IQSEC2: variants seen among roughly 807,000 people sequenced by gnomAD.
IQSEC2 encodes the protein IQ motif and SEC7 domain-containing protein 2.
A neutral mutation model predicts 74.6 loss-of-function variants in IQSEC2; 6 were observed. That is an observed-to-expected ratio of 0.08 (90% confidence interval 0.04 to 0.16). The LOEUF is 0.16. Among genes scored for constraint, IQSEC2 ranks in the 10% least tolerant of loss-of-function variants. IQSEC2 has a pLI of 1.00. For synonymous variants in IQSEC2, 494 were observed against 544.5 expected (o/e 0.91, Z 1.29); for missense variants, 734 against 1,306.2 (o/e 0.56, Z 6.75).
intron 13 of IQSEC2, 47 bp from the exon 14 acceptor site, chrX:53,235,879 C>G (rs782656702): frequency 2.8e-5 from 32 of 1,124,883 alleles, no homozygotes; most frequent in Middle Eastern, 2.9e-4. Context: ...CAACCCCCCC[C>G]CTACCCTGCT....
chrX:53,301,025 G>A (rs1158381724), intron 1 of IQSEC2, among the ~76,000 whole-genome samples: 2 of 112,417 alleles, frequency 1.8e-5, no homozygotes, highest in Admixed American at 1.9e-4. Flanking sequence ...TCTGGGTGCT[G>A]TAATTATGTG....
At chrX:53,256,313 A>G (rs1001581223) in intron 2 of IQSEC2, among the ~76,000 whole-genome samples, 5 of 108,506 alleles carry the variant, frequency 4.6e-5, no homozygotes, top group Non-Finnish European at 9.6e-5. Flanking sequence ...CTTTCCCTCA[A>G]GGCTCTGCCT....
chrX:53,287,336 C>T (rs190317039), intron 2 of IQSEC2, among the ~76,000 whole-genome samples: 4 of 112,248 alleles, frequency 3.6e-5, no homozygotes, highest in African/African-American at 1.3e-4. Context: ...ATGCAATTGT[C>T]CAGCGTTTGT....
At chrX:53,301,048 C>T (rs1046658779) in intron 1 of IQSEC2, among the ~76,000 whole-genome samples, 14 of 112,368 alleles carry the variant, frequency 1.2e-4, no homozygotes, top group Non-Finnish European at 2.3e-4. Context: ...ATGTTTTTCT[C>T]CTCTACTTTT....
At position 53,235,883 on chromosome X, in the gene IQSEC2, C is replaced by T. The variant is rs1284037993; in HGVS notation, c.3452-51G>A. Reference sequence around the variant, plus strand: ...CGTCAGAGCAGCAACCCCCCCCCTACCCTGCTGGGCTCCAGAGCTGGGCAC... The same window carrying T: ...CGTCAGAGCAGCAACCCCCCCCCTATCCTGCTGGGCTCCAGAGCTGGGCAC... On this transcript the variant is annotated intron_variant, in intron 13 of 14. Transcript: ENST00000642864. The T allele has an allele frequency of 1.7e-5, 19 of 1,103,604 alleles. No individual in the cohort carries two copies. Among genetic ancestry groups the T allele is most frequent in the Non-Finnish European group, 2.2e-5 (18 of 820,641 alleles). The allele number at this position is 1,103,604 out of a possible 1,213,427, so 90.9% of individuals were successfully genotyped here.
At chrX:53,271,353 AAGTT>A (rs1395168947) in intron 2 of IQSEC2, among the ~76,000 whole-genome samples, 1 of 112,055 alleles carries the variant, frequency 8.9e-6, no homozygotes, top group Admixed American at 9.5e-5. Flanking sequence ...GGTAGGATGA[AAGTT>A]AGTAAATATG....
At chrX:53,273,483 T>G (rs2074774890) in intron 2 of IQSEC2, among the ~76,000 whole-genome samples, 1 of 111,723 alleles carries the variant, frequency 9.0e-6, no homozygotes, top group African/African-American at 3.3e-5. Context: ...TGATGTGGTA[T>G]CTGAGCTAAT....
At position 53,235,069 on chromosome X, in the gene IQSEC2, C is replaced by G. The variant is rs797045628; in HGVS notation, c.3617G>C (p.Gly1206Ala). The change falls in exon 15 of 15, where the codon GGC becomes GCC. Residue 1206 changes from glycine to alanine, a missense_variant. Physicochemically the swap from Gly to Ala is moderately conservative, Grantham distance 60. Coordinates refer to ENST00000642864, the MANE Select transcript of IQSEC2 (RefSeq NM_001111125.3). ...GCCCCGCTTGCTTCCAAATAGGGAG[C>G]CCAGGAAGGATGAGGAGTTGGAGAC... ...RPVSNSSSFL[G>A]SLFGSKRGKG... The G allele has an allele frequency of 8.6e-7, 1 of 1,163,060 alleles. No individual in the cohort carries two copies. The highest frequency in any genetic ancestry group is 1.1e-6 in the Non-Finnish European group (1 of 871,833).
rs1556873117 is a variant in IQSEC2, at chrX:53,291,888, T to C, written c.737+7A>G. ...CCCAACTAGTACTAAAGAAAGGAGG[T>C]ACTGACCTGACTGTTCTGGAATTCT... On this transcript the variant is annotated splice_region_variant and intron_variant, in intron 2 of 14. Transcript: ENST00000642864. 2.6e-6 allele frequency: 3 copies of C among 1,163,256 alleles called. No homozygotes were observed. Among genetic ancestry groups the C allele is most frequent in the Non-Finnish European group, 3.4e-6 (3 of 870,226 alleles).
chrX:53,266,245 G>A (rs1556867640), intron 2 of IQSEC2: 1 of 397,092 alleles, frequency 2.5e-6, no homozygotes, highest in African/African-American at 2.8e-5. Context: ...CCTATTCCCA[G>A]CCCTGGATAG....
intron 1 of IQSEC2, among the ~76,000 whole-genome samples, chrX:53,308,305 T>C (rs1384737891): frequency 9.1e-6 from 1 of 110,074 alleles, no homozygotes; most frequent in East Asian, 2.8e-4. Flanking sequence ...AAAGTGACTA[T>C]ATCACTTGTG....
intron 5 of IQSEC2, among the ~76,000 whole-genome samples, chrX:53,249,547 C>T (rs1224132105): frequency 1.2e-4 from 13 of 112,182 alleles, no homozygotes; most frequent in African/African-American, 4.2e-4. Context: ...TCCTTATCTA[C>T]AAAATAGGAA....
At chrX:53,314,466 G>C (rs1471992028) in intron 1 of IQSEC2, among the ~76,000 whole-genome samples, 1 of 111,672 alleles carries the variant, frequency 9.0e-6, no homozygotes, top group Non-Finnish European at 1.9e-5. Context: ...GGGGCAATGT[G>C]CTCATTGAGA....
rs2074317922 is a variant in IQSEC2 at position 53,247,048 on chromosome X, G to A, written c.2670C>T (p.Leu890=). 8 of 1,210,347 alleles carry A rather than the reference G, an allele frequency of 6.6e-6. No individual in the cohort carries two copies. The highest frequency in any genetic ancestry group is 3.0e-5 in the East Asian group (1 of 33,840). ...TIFILAFAII[L]LNTDMYSPSV... is the part of the protein sequence containing the mutation. ...TGGGACTGTACATGTCGGTATTGAG[G>A]AGGATGATGGCAAAAGCAAGGATGA... Residue 890 remains leucine (L), a synonymous_variant, in exon 8 of 15, where the codon CTC becomes CTT. Transcript: ENST00000642864.
intron 1 of IQSEC2, among the ~76,000 whole-genome samples, chrX:53,301,159 G>A (rs782552149): frequency 2.6e-4 from 29 of 112,157 alleles, no homozygotes; most frequent in Non-Finnish European, 4.5e-4. Context: ...AGAGTACTGG[G>A]AACAAAATAC....
intron 1 of IQSEC2, among the ~76,000 whole-genome samples, chrX:53,315,970 G>A (rs782436329): frequency 3.3e-3 from 366 of 111,677 alleles, no homozygotes; most frequent in African/African-American, 0.011. Context: ...CTCACCCACC[G>A]CCCAGGTACT....
intron 6 of IQSEC2, 92 bp from the exon 7 acceptor site, chrX:53,248,328 A>C: frequency 1.9e-6 from 2 of 1,048,059 alleles, no homozygotes; most frequent in East Asian, 6.5e-5. Context: ...CAACACCCCC[A>C]CTGATAGACT....
rs1356373374 is a variant in IQSEC2 at position 53,254,648 on chromosome X, C to T, written c.1283G>A (p.Arg428Gln). The T allele has an allele frequency of 8.3e-7, 1 of 1,207,597 alleles. No individual in the cohort carries two copies. Among genetic ancestry groups the T allele is most frequent in the Non-Finnish European group, 1.1e-6 (1 of 893,274 alleles). ...MAGARSHRLE[R>Q]GLPYGGSCGG... Reference sequence around the variant, plus strand: ...ACAGGAGCCTCCATATGGGAGCCCCCGTTCAAGCCGGTGGCTCCGGGCACC... The same window carrying T: ...ACAGGAGCCTCCATATGGGAGCCCCTGTTCAAGCCGGTGGCTCCGGGCACC... The change falls in exon 4 of 15, where the codon CGG (arginine) becomes CAG (glutamine). Residue 428 changes from arginine (R) to glutamine (Q), a missense_variant. Physicochemically the swap from Arg to Gln is conservative, Grantham distance 43 (BLOSUM62 1). Coordinates refer to ENST00000642864, the MANE Select transcript of IQSEC2 (RefSeq NM_001111125.3).
At chrX:53,263,862 C>T (rs781823219) in intron 2 of IQSEC2, among the ~76,000 whole-genome samples, 3 of 112,710 alleles carry the variant, frequency 2.7e-5, no homozygotes, top group South Asian at 3.7e-4. Flanking sequence ...CCCACACCCC[C>T]GTCCTGTTTC....
Sources: allele counts gnomAD v4.1 joint callset (sites outside exome capture counted in the v4.1 genomes callset), GRCh38; gene constraint gnomAD v4.1.1; transcripts MANE v1.5; gene names NCBI Gene and HGNC (gene_info 2026-07-23, HGNC 2026-07-21).